ANK1: variants seen among roughly 807,000 people sequenced by gnomAD.
The protein encoded by ANK1 is ankyrin-1.
A neutral mutation model predicts 210.4 loss-of-function variants in ANK1; 51 were observed. The ratio of observed to expected loss-of-function variants is 0.24; its 90% CI spans 0.19 to 0.31. The LOEUF is 0.31. Among genes scored for constraint, ANK1 ranks in the 10% least tolerant of loss-of-function variants. The pLI, the probability that ANK1 is intolerant of heterozygous loss-of-function variation, is 1.00. For synonymous variants in ANK1, 967 were observed against 1,025.9 expected, an observed-to-expected ratio of 0.94 and a Z score of 1.10; for missense variants, 2,051 against 2,504.4, an observed-to-expected ratio of 0.82 and a Z score of 3.86.
At position 41,662,746 on chromosome 8, in the gene ANK1, G is replaced by A. The variant is rs115694783; in HGVS notation, c.5479-805C>T. On this transcript the variant is annotated intron_variant, in intron 40 of 42. Coordinates refer to ENST00000289734, the MANE Select transcript of ANK1 (RefSeq NM_000037.4). ...GCAGGAGGCAAGACAGACGCACAAGGAGCCTTGCTCAAGGGTGATGAGAGC... is the reference window on the plus strand; with the variant it reads ...GCAGGAGGCAAGACAGACGCACAAGAAGCCTTGCTCAAGGGTGATGAGAGC... Among the ~76,000 whole-genome samples the A allele has an allele frequency of 8.9e-3, 1,353 of 152,188 alleles. 22 individuals carry two copies. The highest frequency in any genetic ancestry group is 0.031 in the African/African-American group (1,297 of 41,518).
chr8:41,773,206 G>A (rs1189579507), intron 1 of ANK1, among the ~76,000 whole-genome samples: 1 of 152,132 alleles, frequency 6.6e-6, no homozygotes. Context: ...CGGCCTGGCT[G>A]GAGTAAGGGA....
chr8:41,749,013 C>T (rs571130092), intron 2 of ANK1, among the ~76,000 whole-genome samples: 23 of 149,744 alleles, frequency 1.5e-4, no homozygotes, highest in Non-Finnish European at 1.8e-4. Context: ...CCAACCTGGG[C>T]GACAGAGCAA....
At chr8:41,819,628 A>T (rs539142971) in intron 1 of ANK1, among the ~76,000 whole-genome samples, 1 of 152,308 alleles carries the variant, frequency 6.6e-6, no homozygotes, top group South Asian at 2.1e-4. Context: ...GGTTGGGATG[A>T]CAAAAGCCCT....
In ANK1 at chr8:41,690,217, G is replaced by C; in HGVS notation, c.4104+10C>G. On this transcript the variant is annotated intron_variant, in intron 33 of 42. Coordinates refer to ENST00000289734, the MANE Select transcript of ANK1 (RefSeq NM_000037.4). ...CTCGGGCCAAGGCTCCTCGGCAGGT[G>C]CCAGCTCACCTTGGCGCAGGGGGGC... The C allele has an allele frequency of 1.2e-6, 2 of 1,614,192 alleles. No individual in the cohort carries two copies. Among genetic ancestry groups the C allele is most frequent in the East Asian group, 2.2e-5 (1 of 44,882 alleles).
At chr8:41,676,853 A>G (rs940864043) in intron 37 of ANK1, among the ~76,000 whole-genome samples, 6 of 152,172 alleles carry the variant, frequency 3.9e-5, no homozygotes, top group Non-Finnish European at 8.8e-5. Context: ...CTTTCTTCCC[A>G]ATATCAGGGT....
intron 1 of ANK1, among the ~76,000 whole-genome samples, chr8:41,877,742 A>G (rs1379411174): frequency 6.6e-6 from 1 of 152,222 alleles, no homozygotes; most frequent in Non-Finnish European, 1.5e-5. Flanking sequence ...GTCGCTGGAG[A>G]GCAGTCGTCT....
intron 1 of ANK1, among the ~76,000 whole-genome samples, chr8:41,831,667 A>AC: frequency 6.6e-6 from 1 of 151,658 alleles, no homozygotes; most frequent in Admixed American, 6.6e-5. Flanking sequence ...AAGAAGAAAA[A>AC]GAAAAAAGGA....
chr8:41,736,415 C>T (rs889932485), intron 2 of ANK1, among the ~76,000 whole-genome samples: 4 of 152,218 alleles, frequency 2.6e-5, no homozygotes, highest in African/African-American at 4.8e-5. Flanking sequence ...TTTCTGCAAG[C>T]GCTCTTCCAA....
rs142994069 is a variant in ANK1, at chr8:41,675,586, C to T, written c.4538-2674G>A. Among the ~76,000 whole-genome samples the T allele has an allele frequency of 5.9e-5, 9 of 152,256 alleles. No homozygotes were observed. The East Asian group carries it at 1.3e-3, about 23-fold the overall frequency. On this transcript the variant is annotated intron_variant, in intron 37 of 42. Transcript: ENST00000289734. ...TGCCATTAATCTCTATTAAAAATAGCTTTGTTGAGGTATGTTTGACATTCA... is the reference window on the plus strand; with the variant it reads ...TGCCATTAATCTCTATTAAAAATAGTTTTGTTGAGGTATGTTTGACATTCA...
rs919870139 is a variant in ANK1 at position 41,867,288 on chromosome 8, A to G, written c.126+29067T>C. On this transcript the variant is annotated intron_variant, in intron 1 of 42. Transcript: ENST00000265709. ...GCTTGTTTCAGAGTGGAAGGGGTGA[A>G]ACTGAGAGGCGGATGCAAAGTTCTG... 5.9e-5 allele frequency among the ~76,000 whole-genome samples: 9 copies of G among 152,170 alleles called. 1 individual carries two copies. The highest frequency in any genetic ancestry group is 2.2e-4 in the African/African-American group (9 of 41,448).
chr8:41,842,272 C>A (rs187645313), intron 1 of ANK1, among the ~76,000 whole-genome samples: 108 of 152,320 alleles, frequency 7.1e-4, no homozygotes, highest in Non-Finnish European at 1.1e-3. Flanking sequence ...GTGGGCACAT[C>A]ATGAGGTCAG....
intron 1 of ANK1, among the ~76,000 whole-genome samples, chr8:41,791,594 G>A (rs1333708727): frequency 6.6e-6 from 1 of 152,158 alleles, no homozygotes; most frequent in African/African-American, 2.4e-5. Context: ...ACCATGCCCA[G>A]CTGATTTTTG....
At chr8:41,731,685 T>C (rs1257095676) in intron 3 of ANK1, among the ~76,000 whole-genome samples, 1 of 151,990 alleles carries the variant, frequency 6.6e-6, no homozygotes, top group East Asian at 1.9e-4. Flanking sequence ...TTTTTCCCCC[T>C]CTCTCTGGAT....
intron 39 of ANK1, chr8:41,664,884 T>G (rs1355479632): frequency 1.2e-6 from 2 of 1,614,156 alleles, no homozygotes; most frequent in Non-Finnish European, 1.7e-6. Flanking sequence ...CTCCCCCAGC[T>G]CCTTGTCCAG....
At chr8:41,766,907 C>G (rs932533352) in intron 1 of ANK1, among the ~76,000 whole-genome samples, 1 of 152,184 alleles carries the variant, frequency 6.6e-6, no homozygotes, top group African/African-American at 2.4e-5. Flanking sequence ...CAAGCCAGGT[C>G]CCCGCCCGGC....
chr8:41,842,357 G>T (rs1173341538), intron 1 of ANK1, among the ~76,000 whole-genome samples: 1 of 152,126 alleles, frequency 6.6e-6, no homozygotes, highest in Non-Finnish European at 1.5e-5. Context: ...GCTGGGCGTG[G>T]TGGTGGGCGC....
chr8:41,880,837 T>C (rs1172294226), intron 1 of ANK1, among the ~76,000 whole-genome samples: 1 of 152,238 alleles, frequency 6.6e-6, no homozygotes, highest in Admixed American at 6.5e-5. Context: ...AATTTAGCAC[T>C]CTGCACCAGC....
chr8:41,737,984 A>G (rs1833853003), intron 2 of ANK1, among the ~76,000 whole-genome samples: 1 of 152,178 alleles, frequency 6.6e-6, no homozygotes, highest in African/African-American at 2.4e-5. Context: ...CCCTTGAAGA[A>G]CTCAGTTTTG....
chr8:41,733,756 G>A lies in ANK1; in HGVS notation c.228+215C>T, dbSNP rs17661532. ...AGGAAAGGGCTCTATTTTTAGATAC[G>A]TAACCTAGTGATGAGGATAAAGGCC... On this transcript the variant is annotated intron_variant, in intron 3 of 42. Transcript: ENST00000289734. 0.2 allele frequency among the ~76,000 whole-genome samples: 29,776 copies of A among 152,136 alleles called. 3,754 individuals are homozygous for A. Among genetic ancestry groups the A allele is most frequent in the South Asian group, 0.27 (1,278 of 4,816 alleles).
Sources: allele counts gnomAD v4.1 joint callset (sites outside exome capture counted in the v4.1 genomes callset), GRCh38; gene constraint gnomAD v4.1.1; transcripts MANE v1.5; gene names NCBI Gene and HGNC (gene_info 2026-07-23, HGNC 2026-07-21).